MACROD2: variants seen among roughly 807,000 people sequenced by gnomAD.
The protein encoded by MACROD2 is ADP-ribose glycohydrolase MACROD2.
MACROD2 carries 36 observed loss-of-function variants against 70.4 expected under a neutral mutation model. The ratio of observed to expected loss-of-function variants is 0.51; its 90% CI spans 0.39 to 0.68. The LOEUF is 0.68. Among genes scored for constraint, MACROD2 ranks in the 30% least tolerant of loss-of-function variants. MACROD2 has a pLI of 0.00. For synonymous variants in MACROD2, 172 were observed against 178.8 expected (o/e 0.96, Z 0.30); for missense variants, 496 against 538.4 (o/e 0.92, Z 0.78).
At chr20:14,522,828 G>C (rs4814309) in intron 4 of MACROD2, among the ~76,000 whole-genome samples, 23,894 of 152,026 alleles carry the variant, frequency 0.16, 2,090 homozygotes, top group East Asian at 0.38. Context: ...CCCAACTCTA[G>C]AATATAAATA....
At chr20:14,332,700 C>T (rs1601494481) in intron 3 of MACROD2, among the ~76,000 whole-genome samples, 1 of 151,998 alleles carries the variant, frequency 6.6e-6, no homozygotes, top group Admixed American at 6.6e-5. Flanking sequence ...GCATGTAGAA[C>T]TTTTAATCCA....
intron 8 of MACROD2, among the ~76,000 whole-genome samples, chr20:15,538,838 T>C (rs1338806311): frequency 1.3e-5 from 2 of 152,092 alleles, no homozygotes; most frequent in African/African-American, 2.4e-5. Context: ...ATATAAATAA[T>C]ATAGCACTCT....
chr20:15,382,263 G>T (rs954223653), intron 6 of MACROD2, among the ~76,000 whole-genome samples: 1 of 151,984 alleles, frequency 6.6e-6, no homozygotes, highest in African/African-American at 2.4e-5. Flanking sequence ...GCAATGAAAG[G>T]CTCCTCAACT....
In MACROD2 at chr20:14,050,134, T is replaced by C. The variant is rs74912053; in HGVS notation, c.164-35487T>C. ...CAAACTGCCTGTAGTAGCTGGATACTTCCCTTCCTCGCTTCCTCATTCATA... is the reference window on the plus strand; with the variant it reads ...CAAACTGCCTGTAGTAGCTGGATACCTCCCTTCCTCGCTTCCTCATTCATA... On this transcript the variant is annotated intron_variant, in intron 2 of 17. Transcript: ENST00000684519. 8.1e-3 allele frequency among the ~76,000 whole-genome samples: 1,235 copies of C among 151,764 alleles called. 20 individuals carry two copies. The highest frequency in any genetic ancestry group is 0.028 in the African/African-American group (1,139 of 41,378).
intron 5 of MACROD2, among the ~76,000 whole-genome samples, chr20:14,733,364 GCTCAGGGTA>G (rs1215711229): frequency 6.6e-6 from 1 of 152,170 alleles, no homozygotes; most frequent in Admixed American, 6.5e-5. Context: ...ATAAGAGGCA[GCTCAGGGTA>G]CTTCCTTATA....
chr20:14,342,540 A>G (rs1311172472), intron 3 of MACROD2, among the ~76,000 whole-genome samples: 1 of 152,184 alleles, frequency 6.6e-6, no homozygotes, highest in African/African-American at 2.4e-5. Flanking sequence ...AGAGTGCACT[A>G]TCTGTAATTC....
chr20:15,421,087 A>G (rs2046221349), intron 6 of MACROD2, among the ~76,000 whole-genome samples: 1 of 151,686 alleles, frequency 6.6e-6, no homozygotes, highest in African/African-American at 2.4e-5. Context: ...TCCTTCCTCT[A>G]AAAAAAACAC....
At chr20:14,373,780 A>G (rs1343411854) in intron 3 of MACROD2, among the ~76,000 whole-genome samples, 1 of 152,198 alleles carries the variant, frequency 6.6e-6, no homozygotes, top group East Asian at 1.9e-4. Context: ...AGGTGCTCAC[A>G]TTTAGGAGTA....
Position 15,882,634 on chromosome 20 carries a change from A to C in MACROD2, c.728-3130A>C, listed in dbSNP as rs78587074. Among the ~76,000 whole-genome samples, 78 of 152,130 alleles carry C rather than the reference A, an allele frequency of 5.1e-4. No individual in the cohort carries two copies. In the East Asian group the frequency reaches 0.015, roughly 29 times the overall value. ...GACGGTAGTGAGGGGAAGGTCCCTC[A>C]TATTTCAGGGTGAAATATTCTGGTA... is the stretch of plus-strand genomic sequence containing the variant. On this transcript the variant is annotated intron_variant, in intron 9 of 17. Coordinates refer to ENST00000684519, the MANE Select transcript of MACROD2 (RefSeq NM_001351661.2).
At chr20:14,110,875 A>G (rs772992917) in intron 3 of MACROD2, among the ~76,000 whole-genome samples, 5 of 151,948 alleles carry the variant, frequency 3.3e-5, no homozygotes, top group Non-Finnish European at 5.9e-5. Flanking sequence ...AGAAAAATCA[A>G]TCCTAAAATG....
chr20:15,310,358 G>A (rs180841772), intron 6 of MACROD2, among the ~76,000 whole-genome samples: 193 of 151,956 alleles, frequency 1.3e-3, no homozygotes, highest in African/African-American at 4.1e-3. Context: ...GATTTCATGC[G>A]TCTGGTCAGC....
intron 5 of MACROD2, among the ~76,000 whole-genome samples, chr20:14,724,279 C>T (rs1294844964): frequency 6.6e-6 from 1 of 151,970 alleles, no homozygotes; most frequent in Non-Finnish European, 1.5e-5. Context: ...TCAATCTCTG[C>T]CTCTATTTGA....
At chr20:14,842,044 A>T (rs1005277513) in intron 5 of MACROD2, among the ~76,000 whole-genome samples, 12 of 146,900 alleles carry the variant, frequency 8.2e-5, no homozygotes, top group African/African-American at 3.0e-4. Context: ...TTGTTTGTTT[A>T]TTCACGAGTC....
intron 5 of MACROD2, among the ~76,000 whole-genome samples, chr20:15,159,837 A>G (rs572394186): frequency 6.6e-6 from 1 of 152,206 alleles, no homozygotes; most frequent in Non-Finnish European, 1.5e-5. Context: ...GCACTGTTGG[A>G]GAGCAGGAGA....
intron 5 of MACROD2, among the ~76,000 whole-genome samples, chr20:14,783,585 T>C (rs935065655): frequency 2.0e-5 from 3 of 152,138 alleles, no homozygotes; most frequent in Admixed American, 1.3e-4. Context: ...ATCCATGTAT[T>C]ATAACACTGA....
chr20:14,411,154 G>A (rs112916248), intron 3 of MACROD2, among the ~76,000 whole-genome samples: 290 of 152,246 alleles, frequency 1.9e-3, no homozygotes, highest in African/African-American at 6.6e-3. Flanking sequence ...TGAGAAAAAG[G>A]TACTGTGTTC....
At chr20:14,462,433 A>G (rs1490450534) in intron 3 of MACROD2, among the ~76,000 whole-genome samples, 2 of 152,076 alleles carry the variant, frequency 1.3e-5, no homozygotes, top group Admixed American at 1.3e-4. Context: ...TCTGGATATA[A>G]GCCCTTTGTC....
At chr20:14,884,911 C>G (rs919472069) in intron 5 of MACROD2, among the ~76,000 whole-genome samples, 4 of 152,124 alleles carry the variant, frequency 2.6e-5, no homozygotes, top group Non-Finnish European at 5.9e-5. Context: ...TTATCAAGAG[C>G]CCATCTAATT....
intron 5 of MACROD2, among the ~76,000 whole-genome samples, chr20:14,734,059 T>C (rs1478324639): frequency 3.3e-5 from 5 of 152,140 alleles, no homozygotes; most frequent in Non-Finnish European, 5.9e-5. Flanking sequence ...AAAGAGTTAT[T>C]ATTAAGCTCC....
Sources: allele counts gnomAD v4.1 joint callset (sites outside exome capture counted in the v4.1 genomes callset), GRCh38; gene constraint gnomAD v4.1.1; transcripts MANE v1.5; gene names NCBI Gene and HGNC (gene_info 2026-07-23, HGNC 2026-07-21).